CEP295: variants seen among roughly 807,000 people sequenced by gnomAD.
CEP295 encodes centrosomal protein 295.
A neutral mutation model predicts 291.6 loss-of-function variants in CEP295; 190 were observed. That is an observed-to-expected ratio of 0.65 (90% CI 0.58 to 0.73). The LOEUF is 0.73. Among genes scored for constraint, CEP295 ranks in the 30% least tolerant of loss-of-function variants. The pLI is 0.00. For synonymous variants in CEP295, 993 were observed against 1,038.8 expected (o/e 0.96, Z 0.85); for missense variants, 2,863 against 2,949.4 (o/e 0.97, Z 0.68).
intron 20 of CEP295, among the ~76,000 whole-genome samples, chr11:93,722,309 A>G (rs1310494295): frequency 6.6e-6 from 1 of 151,956 alleles, no homozygotes; most frequent in Non-Finnish European, 1.5e-5. Flanking sequence ...AAAAAATACA[A>G]AAGTTAGCCA....
chr11:93,730,253 C>G lies in CEP295; in HGVS notation c.7790C>G (p.Ala2597Gly). 2 of 1,549,834 alleles carry G rather than the reference C, an allele frequency of 1.3e-6. No homozygotes were observed. Among genetic ancestry groups the G allele is most frequent in the African/African-American group, 1.4e-5 (1 of 73,024 alleles). The change falls in exon 30 of 30, where the codon GCC becomes GGC. Residue 2597 changes from alanine (A) to glycine (G), a missense_variant. Transcript: ENST00000325212. The stretch of plus-strand genomic sequence containing the variant: ...CAGAAAACACTAGAGAAACTTCGAG[C>G]CAAAAATACATGCTGACTTTCTAGA... ...FHKKTLEKLR[A>G]KNTC
chr11:93,667,465 A>T, intron 2 of CEP295, 142 bp from the exon 3 acceptor site: 2 of 593,788 alleles, frequency 3.4e-6, no homozygotes, highest in Non-Finnish European at 5.8e-6. Flanking sequence ...TGCTTTAAAT[A>T]GTCTTTATCT....
chr11:93,729,993 TTTA>T (rs1374557511), intron 28 of CEP295, 24 bp downstream of exon 28: 3 of 1,509,812 alleles, frequency 2.0e-6, no homozygotes, highest in Non-Finnish European at 2.7e-6. Context: ...TTTTTTTTTT[TTTA>T]GTGATTCACT....
Position 93,725,703 on chromosome 11 carries a change from C to T in CEP295, c.6371C>T (p.Thr2124Ile), listed in dbSNP as rs182062747. 3.8e-5 allele frequency: 59 copies of T among 1,551,412 alleles called. No homozygotes were observed. In the African/African-American group the frequency reaches 7.1e-4, roughly 19 times the overall value. ...SHCATGLSKS[T>I]VYFTALRRTS... ...TGTGCTACTGGATTATCCAAAAGTA[C>T]AGTTTATTTCACAGCACTGAGGAGG... Residue 2124 changes from threonine to isoleucine, a missense_variant, in exon 23 of 30, where the codon ACA (threonine) becomes ATA (isoleucine). Transcript: ENST00000325212.
At chr11:93,675,188 T>C (rs571839199) in intron 5 of CEP295, among the ~76,000 whole-genome samples, 1 of 152,316 alleles carries the variant, frequency 6.6e-6, no homozygotes, top group South Asian at 2.1e-4. Flanking sequence ...TGATTAGATA[T>C]GGAAGAGGAC....
At chr11:93,729,845 C>T (rs751508394) in intron 27 of CEP295, 25 bp from the exon 28 acceptor site, 1 of 1,536,234 alleles carries the variant, frequency 6.5e-7, no homozygotes. Flanking sequence ...GTGTTTACAA[C>T]TTGATTTCAC....
At position 93,695,627 on chromosome 11, in the gene CEP295, C is replaced by T. The variant is rs746579569; in HGVS notation, c.1664C>T (p.Pro555Leu). 30 of 1,487,976 alleles carry T rather than the reference C, an allele frequency of 2.0e-5. No individual in the cohort carries two copies. Among genetic ancestry groups the T allele is most frequent in the African/African-American group, 7.3e-5 (5 of 68,654 alleles). 92.2% of individuals were successfully genotyped at this position (1,487,976 alleles called of 1,614,324 possible). The stretch of plus-strand genomic sequence containing the variant: ...GAAGAAAAAAGAAAAAAAACTCAAC[C>T]GACTGGGGTAGGATGCAGAAAATCT... ...LEEEKRKKTQ[P>L]TGVGIAPASC... is the part of the protein sequence containing the mutation. The change falls in exon 13 of 30, where the codon CCG (proline) becomes CTG (leucine). Residue 555 changes from proline to leucine, a missense_variant. Pro to Leu is a moderately conservative substitution (Grantham distance 98). Coordinates refer to ENST00000325212, the MANE Select transcript of CEP295 (RefSeq NM_033395.2).
intron 17 of CEP295, among the ~76,000 whole-genome samples, chr11:93,703,825 G>A (rs551652673): frequency 1.4e-5 from 2 of 146,058 alleles, no homozygotes; most frequent in African/African-American, 5.1e-5. Flanking sequence ...CTGGAGTGCA[G>A]TGGCGCAATC....
chr11:93,662,892 C>T (rs1231204658), intron 1 of CEP295, among the ~76,000 whole-genome samples: 4 of 152,216 alleles, frequency 2.6e-5, no homozygotes, highest in Non-Finnish European at 5.9e-5. Flanking sequence ...CATCATTTAC[C>T]TCTTGATAAC....
intron 18 of CEP295, among the ~76,000 whole-genome samples, chr11:93,718,532 T>C (rs1227540134): frequency 1.3e-5 from 2 of 152,214 alleles, no homozygotes; most frequent in African/African-American, 4.8e-5. Context: ...CTGATCTTGC[T>C]CCTTTCTCTC....
rs1179890204 is a variant in CEP295, at chr11:93,727,503, C to G, written c.7027C>G (p.Gln2343Glu). Residue 2343 changes from glutamine (Q) to glutamate (E), a missense_variant, in exon 24 of 30, where the codon CAA becomes GAA. Around this residue, in one of 3 missense-constraint regions of CEP295, gnomAD observed 2,295 missense variants for 2,335.7 expected, o/e 0.98. Transcript: ENST00000325212. ...TCAGGCACCATATTCCTTAACTACTCAAAATGAAAAATATTTTGAGAATTC... is the reference window on the plus strand; with the variant it reads ...TCAGGCACCATATTCCTTAACTACTGAAAATGAAAAATATTTTGAGAATTC... ...SIQAPYSLTT[Q>E]NEKYFENSAE... 7.7e-6 allele frequency: 12 copies of G among 1,551,618 alleles called. No individual in the cohort carries two copies. In the East Asian group the frequency reaches 2.7e-4, roughly 35 times the overall value.
intron 12 of CEP295, among the ~76,000 whole-genome samples, chr11:93,695,127 T>G (rs1279830789): frequency 6.6e-6 from 1 of 152,238 alleles, no homozygotes; most frequent in Non-Finnish European, 1.5e-5. Context: ...ATTTCTTTAG[T>G]CATTATTTAT....
rs1951934131 is a variant in CEP295 at position 93,697,901 on chromosome 11, TTTC to T, written c.2990_2992del (p.Phe997_Gln998delinsTer). The T allele has an allele frequency of 6.4e-7, 1 of 1,551,724 alleles. No individual in the cohort carries two copies. The highest frequency in any genetic ancestry group is 8.7e-7 in the Non-Finnish European group (1 of 1,146,982). On this transcript the variant is annotated stop_gained and inframe_deletion, in exon 15 of 30. Coordinates refer to ENST00000325212, the MANE Select transcript of CEP295 (RefSeq NM_033395.2). LOFTEE classifies it high-confidence loss of function. ...CGAACAGGCTGAGCCCTCTTTCCCA[TTTC>T]AGGTAGCTCAGCATACATTTACTTC...
rs1952149154 is a variant in CEP295, at chr11:93,701,412, A to G, written c.5275-1048A>G. Reference sequence around the variant, plus strand: ...ACTTCCTAAATTTATTATTTAGTCTAAATAGAATTCTACAAATCCTTTGAT... The same window carrying G: ...ACTTCCTAAATTTATTATTTAGTCTGAATAGAATTCTACAAATCCTTTGAT... On this transcript the variant is annotated intron_variant, in intron 15 of 29. Coordinates refer to ENST00000325212, the MANE Select transcript of CEP295 (RefSeq NM_033395.2). 2.0e-5 allele frequency among the ~76,000 whole-genome samples: 3 copies of G among 152,172 alleles called. No homozygotes were observed. In the South Asian group the frequency reaches 6.2e-4, roughly 32 times the overall value.
chr11:93,728,914 A>T, intron 25 of CEP295, 93 bp downstream of exon 25: 1 of 1,161,352 alleles, frequency 8.6e-7, no homozygotes, highest in Non-Finnish European at 1.2e-6. Context: ...ATTGGAGGGA[A>T]TTATGCTATG....
chr11:93,668,389 G>A (rs140768917), intron 3 of CEP295, among the ~76,000 whole-genome samples: 141 of 152,190 alleles, frequency 9.3e-4, no homozygotes, highest in Non-Finnish European at 1.3e-3. Flanking sequence ...TTTAGTAATA[G>A]CCGTAAGTTC....
At chr11:93,664,776 A>G (rs1229384805) in intron 1 of CEP295, among the ~76,000 whole-genome samples, 1 of 152,212 alleles carries the variant, frequency 6.6e-6, no homozygotes, top group Non-Finnish European at 1.5e-5. Context: ...AGGTAATCCC[A>G]CAGTCTCCTA....
At chr11:93,718,978 C>T (rs761833148) in intron 18 of CEP295, among the ~76,000 whole-genome samples, 3 of 151,974 alleles carry the variant, frequency 2.0e-5, no homozygotes, top group African/African-American at 7.3e-5. Flanking sequence ...CTTGGTGGTG[C>T]GCACCTGTAG....
rs771084550 is a variant in CEP295 at position 93,697,909 on chromosome 11, A to T, written c.2997A>T (p.Val999=). The change falls in exon 15 of 30, where the codon GTA becomes GTT. Residue 999 remains valine (V), a synonymous_variant. Coordinates refer to ENST00000325212, the MANE Select transcript of CEP295 (RefSeq NM_033395.2). The part of the protein sequence containing the change: ...EQAEPSFPFQ[V]AQHTFTSLPS... ...CTGAGCCCTCTTTCCCATTTCAGGT[A>T]GCTCAGCATACATTTACTTCACTAC... The T allele has an allele frequency of 5.2e-6, 8 of 1,551,548 alleles. No homozygotes were observed. The highest frequency in any genetic ancestry group is 3.5e-6 in the Non-Finnish European group (4 of 1,146,910).
Sources: allele counts gnomAD v4.1 joint callset (sites outside exome capture counted in the v4.1 genomes callset), GRCh38; gene constraint gnomAD v4.1.1; regional missense constraint gnomAD v4.1.1; transcripts MANE v1.5; gene names NCBI Gene and HGNC (gene_info 2026-07-23, HGNC 2026-07-21).